LSP1: variants seen among roughly 807,000 people sequenced by gnomAD.
LSP1 encodes the protein lymphocyte specific protein 1.
In LSP1, 32 loss-of-function variants were observed where a neutral mutation model predicts 49.3. That is an observed-to-expected ratio of 0.65 (90% CI 0.49 to 0.87). The LOEUF (loss-of-function observed/expected upper bound fraction) is 0.87, where lower values mean the gene tolerates loss of function less well. LSP1 is among the 40% of genes least tolerant of loss of function. The probability of loss-of-function intolerance (pLI) is 0.00; values close to 1 mark genes in which losing one functional copy is unlikely to be tolerated. For synonymous variants in LSP1, 179 were observed against 178.8 expected (o/e 1.00, Z -0.01); for missense variants, 428 against 442.6 (o/e 0.97, Z 0.30).
Position 1,887,177 on chromosome 11 carries a change from G to C in LSP1, c.853-60G>C, listed in dbSNP as rs2133132606. On this transcript the variant is annotated intron_variant, in intron 8 of 10. Transcript: ENST00000311604. ...GCAAGGCGGGAGAGAAGGGCCCAGG[G>C]CTTCTACTCCCCAAGATCCAGGGGT... 2.9e-6 allele frequency: 4 copies of C among 1,363,098 alleles called. No homozygotes were observed. In the South Asian group the frequency reaches 3.8e-5, roughly 13 times the overall value. The allele number at this position is 1,363,098 out of a possible 1,614,324, so 84.4% of individuals were successfully genotyped here.
intron 10 of LSP1, chr11:1,889,200 AGCTCC>A: frequency 1.5e-6 from 1 of 673,316 alleles, no homozygotes. Context: ...CTGGGGGCTC[AGCTCC>A]AGGATGGAGC....
At chr11:1,876,853 T>C (rs534587009) in intron 1 of LSP1, among the ~76,000 whole-genome samples, 1 of 152,084 alleles carries the variant, frequency 6.6e-6, no homozygotes, top group Non-Finnish European at 1.5e-5. Flanking sequence ...GTCAGAGTTC[T>C]GTGCATACTG....
At chr11:1,855,135 C>G (rs1847456147) in intron 1 of LSP1, among the ~76,000 whole-genome samples, 1 of 152,166 alleles carries the variant, frequency 6.6e-6, no homozygotes, top group South Asian at 2.1e-4. Context: ...GCATGGGGTG[C>G]GCAGCCAAGC....
At chr11:1,889,124 C>A in intron 10 of LSP1, 1 of 625,614 alleles carries the variant, frequency 1.6e-6, no homozygotes, top group South Asian at 1.8e-5. Context: ...GTCCTGGGCT[C>A]TGGGGGCCAT....
chr11:1,875,677 C>A (rs1410946868), intron 1 of LSP1, among the ~76,000 whole-genome samples: 1 of 152,258 alleles, frequency 6.6e-6, no homozygotes, highest in East Asian at 1.9e-4. Flanking sequence ...CCCTCCCCTG[C>A]CATGCCCAGC....
chr11:1,863,958 G>A lies in LSP1; in HGVS notation c.53+10761G>A, dbSNP rs537716209. On this transcript the variant is annotated intron_variant, in intron 1 of 10. Coordinates refer to ENST00000311604, the MANE Select transcript of LSP1 (RefSeq NM_002339.3). ...GCCTCCCCATTTGGGGAACAGAGAG[G>A]GTTCTTGGGGTGCCAAGCCTTCTCT... 5.9e-5 allele frequency among the ~76,000 whole-genome samples: 9 copies of A among 152,156 alleles called. No homozygotes were observed. The South Asian group carries it at 1.9e-3, about 32-fold the overall frequency.
At chr11:1,879,422 AG>A (rs1848445334) in intron 1 of LSP1, among the ~76,000 whole-genome samples, 1 of 152,182 alleles carries the variant, frequency 6.6e-6, no homozygotes, top group African/African-American at 2.4e-5. Flanking sequence ...GGGTTGGGTG[AG>A]CCGACCCTGT....
At chr11:1,889,634 G>T (rs2133141913) in intron 10 of LSP1, 1 of 616,328 alleles carries the variant, frequency 1.6e-6, no homozygotes, top group Non-Finnish European at 3.0e-6. Context: ...GTGGGGTAGG[G>T]GATGAGGCCC....
rs182693925 is a variant in LSP1, at chr11:1,883,540, G to T, written c.478G>T (p.Ala160Ser). 1 of 1,612,654 alleles carries T rather than the reference G, an allele frequency of 6.2e-7. No individual in the cohort carries two copies. The highest frequency in any genetic ancestry group is 1.3e-5 in the African/African-American group (1 of 75,028). Residue 160 changes from alanine (A) to serine (S), a missense_variant, in exon 4 of 11, where the codon GCT (alanine) becomes TCT (serine). Transcript: ENST00000311604. ...TVQDNLGAAG[A>S]EEEQEEHQKC... ...CCAGGACAACCTGGGGGCCGCAGGGGCTGAGGAGGAACAGGAGGAGGTGAT... is the reference window on the plus strand; with the variant it reads ...CCAGGACAACCTGGGGGCCGCAGGGTCTGAGGAGGAACAGGAGGAGGTGAT...
intron 7 of LSP1, among the ~76,000 whole-genome samples, chr11:1,885,533 C>A (rs1384552573): frequency 6.6e-6 from 1 of 151,620 alleles, no homozygotes; most frequent in Non-Finnish European, 1.5e-5. Context: ...CAATGGCCTT[C>A]TATCCCATCA....
chr11:1,878,728 T>G (rs544641300), intron 1 of LSP1, among the ~76,000 whole-genome samples: 111 of 152,192 alleles, frequency 7.3e-4, no homozygotes, highest in Non-Finnish European at 1.5e-3. Flanking sequence ...GAGACCCCAG[T>G]GGGGAGACCC....
intron 1 of LSP1, chr11:1,864,379 C>G: frequency 2.8e-6 from 1 of 357,862 alleles, no homozygotes; most frequent in African/African-American, 2.2e-5. Flanking sequence ...GCCCCTGTGC[C>G]TGGGGCAGGG....
chr11:1,863,630 GCGTC>G (rs1244042364), intron 1 of LSP1: 1 of 152,294 alleles, frequency 6.6e-6, no homozygotes, highest in East Asian at 1.9e-4. Flanking sequence ...CCCTGAACAT[GCGTC>G]CCATCCCACC....
In LSP1 at chr11:1,871,293, C is replaced by T. The variant is rs1244912564; in HGVS notation, c.54-8794C>T. Reference sequence around the variant, plus strand: ...CAGGCAGGGCCACCCACGAGCAGGGCGGGGCCCTAACCTCCGACCCAGGCT... The same window carrying T: ...CAGGCAGGGCCACCCACGAGCAGGGTGGGGCCCTAACCTCCGACCCAGGCT... On this transcript the variant is annotated intron_variant, in intron 1 of 10. Coordinates refer to ENST00000311604, the MANE Select transcript of LSP1 (RefSeq NM_002339.3). 39 of 986,134 alleles carry T rather than the reference C, an allele frequency of 4.0e-5. No individual in the cohort carries two copies. In the Admixed American group the frequency reaches 1.9e-3, roughly 48 times the overall value. The allele number at this position is 986,134 out of a possible 1,614,324, so 61.1% of individuals were successfully genotyped here.
At chr11:1,864,583 T>C (rs1847727237) in intron 1 of LSP1, among the ~76,000 whole-genome samples, 1 of 151,612 alleles carries the variant, frequency 6.6e-6, no homozygotes, top group African/African-American at 2.4e-5. Flanking sequence ...CGCTCTGACA[T>C]TTTTACTCTT....
chr11:1,887,631 T>C lies in LSP1; in HGVS notation c.*13+55T>C, dbSNP rs572784200. 80 of 1,456,524 alleles carry C rather than the reference T, an allele frequency of 5.5e-5. No homozygotes were observed. The African/African-American group carries it at 9.7e-4, about 18-fold the overall frequency. 90.2% of individuals were successfully genotyped at this position (1,456,524 alleles called of 1,614,324 possible). A position where few individuals can be genotyped will look rare whatever the true frequency, so the allele number is the denominator to read the frequency against. The stretch of plus-strand genomic sequence containing the variant: ...TGAGGTGCACACACGTGCACTGTGC[T>C]GGGAACTTGGCAACCTGGAGGCTGC... On this transcript the variant is annotated intron_variant, in intron 10 of 10. Transcript: ENST00000311604.
intron 1 of LSP1, chr11:1,868,836 C>T: frequency 2.0e-6 from 2 of 985,826 alleles, no homozygotes; most frequent in Non-Finnish European, 2.4e-6. Flanking sequence ...CGAACCAGAG[C>T]TGGGCAGAGC....
intron 1 of LSP1, among the ~76,000 whole-genome samples, chr11:1,873,077 A>AGGTG: frequency 6.6e-6 from 1 of 150,470 alleles, no homozygotes; most frequent in Admixed American, 6.6e-5. Flanking sequence ...AGGCAGGGAG[A>AGGTG]GATGGAGGCA....
rs1318781389 is a variant in LSP1, at chr11:1,884,258, T to C, written c.592-22T>C. On this transcript the variant is annotated intron_variant, in intron 5 of 10. Coordinates refer to ENST00000311604, the MANE Select transcript of LSP1 (RefSeq NM_002339.3). This position sits in a 1 kb window ranked among gnomAD's most constrained non-coding sequence, Gnocchi z 4.1. ...CTTTACCTCGGCTGCTGCAGGCCTG[T>C]GTCTCTCTCCACCCTCTGCAGCTCA... is the stretch of plus-strand genomic sequence containing the variant. 6.2e-7 allele frequency: 1 copy of C among 1,613,732 alleles called. No individual in the cohort carries two copies. Among genetic ancestry groups the C allele is most frequent in the Non-Finnish European group, 8.5e-7 (1 of 1,179,814 alleles).
Sources: gnomAD v4.1 joint callset for allele counts (sites outside exome capture counted in the v4.1 genomes callset) on GRCh38, gnomAD v4.1.1 for gene constraint, Gnocchi (gnomAD v3.1) non-coding constraint, MANE v1.5 for transcripts, NCBI Gene and HGNC (gene_info 2026-07-23, HGNC 2026-07-21) for gene names.